Variants in ULK4 observed in about 807,000 individuals in gnomAD.
ULK4 encodes the protein inactive serine/threonine-protein kinase ULK4.
ULK4 carries 133 observed loss-of-function variants against 160.6 expected under a neutral mutation model. That is an observed-to-expected ratio of 0.83 (90% confidence interval 0.72 to 0.96). ULK4 has a LOEUF of 0.96. Ranked by LOEUF, ULK4 falls within the 40% of genes least tolerant of loss-of-function variation. ULK4 has a pLI of 0.00. For synonymous variants in ULK4, 534 were observed against 539.8 expected (o/e 0.99, Z 0.15); for missense variants, 1,580 against 1,499.5 (o/e 1.05, Z -0.89).
At chr3:41,545,074 T>C (rs764390779) in intron 32 of ULK4, among the ~76,000 whole-genome samples, 19 of 152,222 alleles carry the variant, frequency 1.2e-4, no homozygotes, top group Non-Finnish European at 2.4e-4. Context: ...TTTCACAATT[T>C]ACTCATTGTT....
rs199760897 is a variant in ULK4, at chr3:41,389,314, G to C, written c.3678+8765C>G. 6.7e-3 allele frequency among the ~76,000 whole-genome samples: 1,026 copies of C among 152,108 alleles called. 6 individuals carry two copies. The highest frequency in any genetic ancestry group is 0.015 in the African/African-American group (630 of 41,476). ...TCTAGATATACAATCATGTCATCTG[G>C]AAACAGGGACAATTTGACTTCCTGT... On this transcript the variant is annotated intron_variant, in intron 35 of 36. Transcript: ENST00000301831.
rs1454004352 is a variant in ULK4, at chr3:41,266,281, C to G, written c.3679-16707G>C. 6.6e-5 allele frequency among the ~76,000 whole-genome samples: 10 copies of G among 152,274 alleles called. No homozygotes were observed. In the East Asian group the frequency reaches 1.9e-3, roughly 29 times the overall value. On this transcript the variant is annotated intron_variant, in intron 35 of 36. Transcript: ENST00000301831. ...TTGTGACCACCATGTAGCAATCACT[C>G]CTTCTGGGCAACCCTGGGCACTTGA... is the stretch of plus-strand genomic sequence containing the variant.
At chr3:41,418,947 C>T (rs1016643374) in intron 34 of ULK4, among the ~76,000 whole-genome samples, 4 of 152,128 alleles carry the variant, frequency 2.6e-5, no homozygotes, top group Admixed American at 2.0e-4. Flanking sequence ...GAGAAGTGTT[C>T]TTTGGACAGA....
chr3:41,498,842 A>T (rs1431228627), intron 32 of ULK4, among the ~76,000 whole-genome samples: 1 of 152,052 alleles, frequency 6.6e-6, no homozygotes, highest in Non-Finnish European at 1.5e-5. Context: ...TGATTTGCCC[A>T]CCTCGGCTTC....
intron 17 of ULK4, among the ~76,000 whole-genome samples, chr3:41,867,313 C>G (rs904191570): frequency 1.3e-5 from 2 of 152,174 alleles, no homozygotes; most frequent in Non-Finnish European, 2.9e-5. Context: ...ACCGGAAATG[C>G]GAATTACTGT....
At chr3:41,387,619 C>T (rs1018071437) in intron 35 of ULK4, among the ~76,000 whole-genome samples, 11 of 152,040 alleles carry the variant, frequency 7.2e-5, no homozygotes, top group African/African-American at 1.2e-4. Context: ...TGAGAATACG[C>T]GGTGTTTGGT....
intron 32 of ULK4, among the ~76,000 whole-genome samples, chr3:41,516,017 A>C (rs1439868518): frequency 1.3e-5 from 2 of 152,234 alleles, no homozygotes; most frequent in African/African-American, 4.8e-5. Flanking sequence ...GTATAAATTC[A>C]CTAAATTGTA....
At chr3:41,814,747 T>C (rs372993306) in intron 19 of ULK4, among the ~76,000 whole-genome samples, 2 of 152,142 alleles carry the variant, frequency 1.3e-5, no homozygotes, top group East Asian at 3.8e-4. Context: ...ATCTCCCATA[T>C]TGCTTTTTGC....
chr3:41,602,286 GAAAGGAAAGGAA>G (rs1480123166), intron 31 of ULK4, among the ~76,000 whole-genome samples: 18 of 120,368 alleles, frequency 1.5e-4, no homozygotes, highest in African/African-American at 6.4e-4. Flanking sequence ...GAAAGGAAAG[GAAAGGAAAGGAA>G]AGGAAAGGAA....
chr3:41,472,383 A>T (rs1360901792), intron 32 of ULK4, among the ~76,000 whole-genome samples: 1 of 152,076 alleles, frequency 6.6e-6, no homozygotes, highest in East Asian at 1.9e-4. Flanking sequence ...AGCCTGGCCA[A>T]TATGATGAAA....
chr3:41,822,464 C>T, intron 18 of ULK4, among the ~76,000 whole-genome samples: 1 of 152,160 alleles, frequency 6.6e-6, no homozygotes, highest in East Asian at 1.9e-4. Context: ...GTTGCCCAGG[C>T]TGGAGTGCAG....
At chr3:41,528,669 A>C (rs2086198909) in intron 32 of ULK4, among the ~76,000 whole-genome samples, 2 of 152,234 alleles carry the variant, frequency 1.3e-5, no homozygotes, top group South Asian at 2.1e-4. Flanking sequence ...GTAGCACTAT[A>C]AGCCAAAAGA....
intron 32 of ULK4, among the ~76,000 whole-genome samples, chr3:41,487,965 T>C (rs1240445443): frequency 7.8e-6 from 1 of 127,536 alleles, no homozygotes; most frequent in Non-Finnish European, 1.8e-5. Flanking sequence ...GGACAGCTAT[T>C]TACCAAAGAA....
Position 41,717,836 on chromosome 3 carries a change from T to C in ULK4, c.2347A>G (p.Ser783Gly). The C allele has an allele frequency of 6.2e-7, 1 of 1,614,114 alleles. No individual in the cohort carries two copies. The highest frequency in any genetic ancestry group is 1.1e-5 in the South Asian group (1 of 91,070). Residue 783 changes from serine to glycine, a missense_variant, in exon 23 of 37, where the codon AGC becomes GGC. By Grantham distance (56) the Ser-to-Gly change is moderately conservative. Transcript: ENST00000301831. ...ARLVMYIERD[S>G]RKTTPGKEQQ... ...TCCTTGCCTGGAGTGGTCTTTCTGC[T>C]GTCTCTCTCGATGTACATCACCAGT...
At chr3:41,772,238 T>G (rs569168729) in intron 21 of ULK4, among the ~76,000 whole-genome samples, 1 of 151,544 alleles carries the variant, frequency 6.6e-6, no homozygotes, top group Non-Finnish European at 1.5e-5. Context: ...CTGAAGGAGA[T>G]AGAGACACAA....
chr3:41,450,464 T>C (rs1276078093), intron 34 of ULK4, among the ~76,000 whole-genome samples: 2 of 152,164 alleles, frequency 1.3e-5, no homozygotes, highest in Non-Finnish European at 1.5e-5. Flanking sequence ...ATATTATAAA[T>C]ATAGGTCATA....
At chr3:41,937,333 ATCCTG>A (rs1699809200) in intron 3 of ULK4, 5 of 693,260 alleles carry the variant, frequency 7.2e-6, no homozygotes, top group Non-Finnish European at 1.3e-5. Flanking sequence ...ATCAACCATA[ATCCTG>A]TCCTATTGAT....
intron 30 of ULK4, among the ~76,000 whole-genome samples, chr3:41,644,597 G>C (rs1431826459): frequency 6.6e-6 from 1 of 152,172 alleles, no homozygotes; most frequent in Admixed American, 6.5e-5. Flanking sequence ...CGGTTTGCCA[G>C]TATTTTATTG....
intron 34 of ULK4, among the ~76,000 whole-genome samples, chr3:41,410,971 T>C (rs1444154092): frequency 6.6e-6 from 1 of 152,150 alleles, no homozygotes; most frequent in Non-Finnish European, 1.5e-5. Flanking sequence ...AAAAACACTA[T>C]TTACAAATAA....
Sources: gnomAD v4.1 joint callset for allele counts (sites outside exome capture counted in the v4.1 genomes callset) on GRCh38, gnomAD v4.1.1 for gene constraint, MANE v1.5 for transcripts, NCBI Gene and HGNC (gene_info 2026-07-23, HGNC 2026-07-21) for gene names.